Variants in AXIN1 observed in about 807,000 individuals in gnomAD.
AXIN1 encodes the protein axin-1.
In AXIN1, 30 loss-of-function variants were observed where a neutral mutation model predicts 76.4. The ratio of observed to expected loss-of-function variants is 0.39; its 90% CI spans 0.29 to 0.53. The LOEUF (loss-of-function observed/expected upper bound fraction) is 0.53. AXIN1 is among the 20% of genes least tolerant of loss of function. The probability of loss-of-function intolerance (pLI) is 0.66; values close to 1 mark genes in which losing one functional copy is unlikely to be tolerated. For missense variants in AXIN1, 1,140 were observed against 1,198.8 expected, an observed-to-expected ratio of 0.95 and a Z score of 0.72; for synonymous variants, 545 against 501.4, an observed-to-expected ratio of 1.09 and a Z score of -1.16.
chr16:329,006 T>C (rs1028448774), intron 2 of AXIN1, among the ~76,000 whole-genome samples: 1 of 152,114 alleles, frequency 6.6e-6, no homozygotes, highest in Non-Finnish European at 1.5e-5. Context: ...CTGGGCACGG[T>C]AGCTCACGCC....
In AXIN1 at chr16:288,041, G is replaced by A; in HGVS notation, c.*81C>T. 3.7e-6 allele frequency: 6 copies of A among 1,605,386 alleles called. No homozygotes were observed. Among genetic ancestry groups the A allele is most frequent in the Non-Finnish European group, 5.1e-6 (6 of 1,177,426 alleles). ...CAACACTGTTCCCCATCGGGCTCCT[G>A]AGTACGAGGTCATCTGCCTGGCCGT... On this transcript the variant is annotated 3_prime_UTR_variant, in exon 11 of 11. Transcript: ENST00000262320.
At chr16:301,199 A>C (rs377588377) in intron 5 of AXIN1, among the ~76,000 whole-genome samples, 3 of 151,340 alleles carry the variant, frequency 2.0e-5, no homozygotes, top group African/African-American at 7.3e-5. Flanking sequence ...TGAACCCGGG[A>C]GGCAGAGCTT....
chr16:323,898 G>A (rs2053520669), intron 2 of AXIN1, among the ~76,000 whole-genome samples: 1 of 152,160 alleles, frequency 6.6e-6, no homozygotes. Flanking sequence ...GGTGCAAAGG[G>A]AAAAGGTGTC....
intron 3 of AXIN1, among the ~76,000 whole-genome samples, chr16:314,230 C>T (rs929886518): frequency 6.6e-6 from 1 of 152,202 alleles, no homozygotes; most frequent in African/African-American, 2.4e-5. Flanking sequence ...AAAGCTGAGC[C>T]CTCACTTGTA....
In AXIN1 at chr16:323,301, C is replaced by T. The variant is rs186346155; in HGVS notation, c.879-8618G>A. Among the ~76,000 whole-genome samples the T allele has an allele frequency of 8.4e-3, 1,264 of 150,562 alleles. 21 individuals carry two copies. The highest frequency in any genetic ancestry group is 0.028 in the African/African-American group (1,160 of 40,974). On this transcript the variant is annotated intron_variant, in intron 2 of 10. Coordinates refer to ENST00000262320, the MANE Select transcript of AXIN1 (RefSeq NM_003502.4). Reference sequence around the variant, plus strand: ...AAAAATACAAAAAATTAGCCGGGTGCGGTGGCGGGCACCTGTAGTCCCAGC... The same window carrying T: ...AAAAATACAAAAAATTAGCCGGGTGTGGTGGCGGGCACCTGTAGTCCCAGC...
At chr16:313,256 C>A (rs548023673) in intron 3 of AXIN1, among the ~76,000 whole-genome samples, 1 of 152,208 alleles carries the variant, frequency 6.6e-6, no homozygotes. Flanking sequence ...AAGCCAAGAT[C>A]GCACCATTGC....
intron 2 of AXIN1, among the ~76,000 whole-genome samples, chr16:330,641 T>C (rs56355849): frequency 0.17 from 26,590 of 152,218 alleles, 2,424 homozygotes; most frequent in South Asian, 0.28. Context: ...ACTGCACAAA[T>C]GGCTTCACAT....
intron 2 of AXIN1, among the ~76,000 whole-genome samples, chr16:321,603 C>T (rs1033086452): frequency 1.3e-5 from 2 of 152,120 alleles, no homozygotes; most frequent in Non-Finnish European, 2.9e-5. Flanking sequence ...TTCCAACCCA[C>T]GAAGGGTTAA....
At chr16:325,113 GC>G (rs1194165645) in intron 2 of AXIN1, among the ~76,000 whole-genome samples, 1 of 150,432 alleles carries the variant, frequency 6.6e-6, no homozygotes, top group Non-Finnish European at 1.5e-5. Context: ...CCCGCGGGCG[GC>G]CCCGCACCCC....
At position 293,976 on chromosome 16, in the gene AXIN1, G is replaced by C. The variant is rs929323722; in HGVS notation, c.1956-258C>G. ...GCAGATCACCAGAGGTCGGGAGTTC[G>C]AGATCAACCTAACATGGTGAAACCT... On this transcript the variant is annotated intron_variant, in intron 7 of 10. Transcript: ENST00000262320. The surrounding 1 kb of genome is among the most constrained non-coding windows in gnomAD (Gnocchi z 4.6). Among the ~76,000 whole-genome samples the C allele has an allele frequency of 6.8e-6, 1 of 147,632 alleles. No individual in the cohort carries two copies. The highest frequency in any genetic ancestry group is 1.5e-5 in the Non-Finnish European group (1 of 65,476).
intron 7 of AXIN1, among the ~76,000 whole-genome samples, chr16:294,565 G>A (rs2052656755): frequency 6.6e-6 from 1 of 151,444 alleles, no homozygotes; most frequent in Non-Finnish European, 1.5e-5. Flanking sequence ...GACCAGCCTG[G>A]CCAACATGGT....
chr16:311,531 G>C (rs1337591986), intron 3 of AXIN1, among the ~76,000 whole-genome samples: 1 of 151,562 alleles, frequency 6.6e-6, no homozygotes, highest in Non-Finnish European at 1.5e-5. Flanking sequence ...CAGCACTGTG[G>C]GAGGCCGAGG....
chr16:297,257 G>T (rs117820439), intron 6 of AXIN1, 31 bp from the exon 7 acceptor site: 100,613 of 1,600,808 alleles, frequency 0.063, 3,617 homozygotes, highest in Middle Eastern at 0.081. Context: ...AGTCGCCCTG[G>T]CCTCCGGTGG....
chr16:288,113 A>T lies in AXIN1; in HGVS notation c.*9T>A. ...CCTCGCCTGGCACAGCGGCCAGCCC[A>T]CCAGCCTATCAGTCCACCTTCTCCA... On this transcript the variant is annotated 3_prime_UTR_variant, in exon 11 of 11. Transcript: ENST00000262320. 6.2e-7 allele frequency: 1 copy of T among 1,612,880 alleles called. No homozygotes were observed. The highest frequency in any genetic ancestry group is 8.5e-7 in the Non-Finnish European group (1 of 1,179,976).
intron 4 of AXIN1, among the ~76,000 whole-genome samples, chr16:304,750 G>A (rs1210589539): frequency 6.6e-6 from 1 of 152,124 alleles, no homozygotes; most frequent in African/African-American, 2.4e-5. Flanking sequence ...GGCCAGGCTG[G>A]TCTCGAACTC....
intron 2 of AXIN1, among the ~76,000 whole-genome samples, chr16:317,941 G>C (rs935083082): frequency 6.6e-6 from 1 of 152,232 alleles, no homozygotes. Context: ...CATTTCAAAT[G>C]GAAGAGAGAA....
intron 2 of AXIN1, among the ~76,000 whole-genome samples, chr16:337,830 G>A (rs60125616): frequency 0.03 from 4,603 of 152,360 alleles, 241 homozygotes; most frequent in African/African-American, 0.098. Context: ...TGGGCACTCA[G>A]CCGGGCGTGC....
intron 2 of AXIN1, among the ~76,000 whole-genome samples, chr16:328,683 C>T (rs1263389340): frequency 5.3e-5 from 8 of 151,912 alleles, no homozygotes; most frequent in Non-Finnish European, 7.4e-5. Context: ...GCAACAAGAG[C>T]GAAACTCCAT....
chr16:323,922 G>GAT (rs1362788070), intron 2 of AXIN1, among the ~76,000 whole-genome samples: 4 of 152,168 alleles, frequency 2.6e-5, no homozygotes, highest in African/African-American at 9.7e-5. Context: ...TGCGACAGGG[G>GAT]ATGGAATACG....
Sources: allele counts gnomAD v4.1 joint callset (sites outside exome capture counted in the v4.1 genomes callset), GRCh38; gene constraint gnomAD v4.1.1; non-coding constraint Gnocchi (gnomAD v3.1); transcripts MANE v1.5; gene names NCBI Gene and HGNC (gene_info 2026-07-23, HGNC 2026-07-21).